GLIS3: variants seen among roughly 807,000 people sequenced by gnomAD.
GLIS3 encodes the protein GLIS family zinc finger 3.
A neutral mutation model predicts 78.6 loss-of-function variants in GLIS3; 53 were observed. That is an observed-to-expected ratio of 0.67 (90% CI 0.54 to 0.85). The LOEUF (loss-of-function observed/expected upper bound fraction) is 0.85. Ranked by LOEUF, GLIS3 falls within the 40% of genes least tolerant of loss-of-function variation. The pLI is 0.00. For missense variants in GLIS3, 1,703 were observed against 1,231.1 expected (o/e 1.38, Z -5.74); for synonymous variants, 684 against 509.9 (o/e 1.34, Z -4.60).
At chr9:4,168,113 G>C (rs755072926) in intron 2 of GLIS3, among the ~76,000 whole-genome samples, 2 of 152,086 alleles carry the variant, frequency 1.3e-5, no homozygotes, top group Non-Finnish European at 2.9e-5. Context: ...GCTTTCAACT[G>C]AAAACTCAGC....
At chr9:4,478,090 G>T in the GLIS3 span, among the ~76,000 whole-genome samples, 1 of 151,952 alleles carries the variant, frequency 6.6e-6, no homozygotes, top group Non-Finnish European at 1.5e-5. Context: ...CCAGTTTCAG[G>T]GCAAAAAATA....
the GLIS3 span, among the ~76,000 whole-genome samples, chr9:4,479,983 G>C: frequency 2.2e-5 from 3 of 135,170 alleles, no homozygotes; most frequent in Non-Finnish European, 4.6e-5. Flanking sequence ...TTGAACTCCC[G>C]ACCTCAGGTG....
intron 2 of GLIS3, among the ~76,000 whole-genome samples, chr9:4,281,123 AT>A (rs1303075590): frequency 6.6e-6 from 1 of 152,182 alleles, no homozygotes; most frequent in Non-Finnish European, 1.5e-5. Flanking sequence ...GAAAAATAGT[AT>A]TTTTATTTCA....
At chr9:4,269,469 T>C (rs561640767) in intron 2 of GLIS3, among the ~76,000 whole-genome samples, 6 of 152,344 alleles carry the variant, frequency 3.9e-5, no homozygotes, top group South Asian at 2.1e-4. Context: ...TTACGAAGTA[T>C]TGTCCAACGT....
intron 2 of GLIS3, among the ~76,000 whole-genome samples, chr9:4,168,265 A>C (rs1009578834): frequency 2.6e-5 from 4 of 152,114 alleles, no homozygotes; most frequent in Non-Finnish European, 5.9e-5. Context: ...TCACTGTCTA[A>C]AGTATATTTT....
chr9:3,884,546 T>C (rs1432084953), intron 7 of GLIS3, among the ~76,000 whole-genome samples: 2 of 152,210 alleles, frequency 1.3e-5, no homozygotes, highest in African/African-American at 4.8e-5. Flanking sequence ...CTGAGGCTGC[T>C]GGTATGGAAA....
chr9:4,431,516 C>T, the GLIS3 span, among the ~76,000 whole-genome samples: 2 of 152,144 alleles, frequency 1.3e-5, no homozygotes, highest in African/African-American at 4.8e-5. Flanking sequence ...TTCCACCATA[C>T]TCTTAGTCCA....
intron 4 of GLIS3, among the ~76,000 whole-genome samples, chr9:4,010,375 C>G (rs187668828): frequency 4.9e-4 from 74 of 152,266 alleles, no homozygotes; most frequent in Middle Eastern, 3.4e-3. Context: ...TAATTTATTT[C>G]CTACAGGCAA....
At chr9:4,111,650 A>G (rs934669613) in intron 4 of GLIS3, among the ~76,000 whole-genome samples, 2 of 152,376 alleles carry the variant, frequency 1.3e-5, no homozygotes, top group African/African-American at 4.8e-5. Context: ...ATGGTGACAT[A>G]TATGTGTCTA....
chr9:4,055,396 C>T (rs931495107), intron 4 of GLIS3, among the ~76,000 whole-genome samples: 1 of 152,292 alleles, frequency 6.6e-6, no homozygotes, highest in African/African-American at 2.4e-5. Context: ...GTATCACTGG[C>T]AAGCCCCTTT....
chr9:4,169,213 C>G (rs934657847), intron 2 of GLIS3, among the ~76,000 whole-genome samples: 1 of 152,142 alleles, frequency 6.6e-6, no homozygotes, highest in Non-Finnish European at 1.5e-5. Context: ...TTGGCAGACA[C>G]AAGGAAAGCA....
At chr9:4,194,198 C>G (rs966726711) in intron 2 of GLIS3, among the ~76,000 whole-genome samples, 1 of 152,098 alleles carries the variant, frequency 6.6e-6, no homozygotes, top group Non-Finnish European at 1.5e-5. Context: ...GCTGGGATTA[C>G]AGGCCCACGC....
At chr9:4,139,342 T>C (rs1251510147) in intron 2 of GLIS3, among the ~76,000 whole-genome samples, 1 of 152,176 alleles carries the variant, frequency 6.6e-6, no homozygotes, top group East Asian at 1.9e-4. Flanking sequence ...GAATAGGTAA[T>C]GAATACAACT....
At chr9:3,872,302 CT>C (rs1461820872) in intron 8 of GLIS3, among the ~76,000 whole-genome samples, 1 of 152,234 alleles carries the variant, frequency 6.6e-6, no homozygotes, top group African/African-American at 2.4e-5. Flanking sequence ...CAACCCCTGT[CT>C]GTTACCCAGT....
chr9:4,208,884 C>G (rs1820117596), intron 2 of GLIS3, among the ~76,000 whole-genome samples: 1 of 152,138 alleles, frequency 6.6e-6, no homozygotes, highest in African/African-American at 2.4e-5. Flanking sequence ...AAGCCTCCAG[C>G]TTTCATGATA....
upstream of GLIS3, among the ~76,000 whole-genome samples, chr9:4,300,278 G>C (rs967699579): frequency 6.6e-6 from 1 of 151,908 alleles, no homozygotes; most frequent in Non-Finnish European, 1.5e-5. Context: ...AGGAACTCCA[G>C]AACAGGGTAA....
intron 2 of GLIS3, among the ~76,000 whole-genome samples, chr9:4,138,923 G>T (rs1000949454): frequency 6.6e-6 from 1 of 152,108 alleles, no homozygotes; most frequent in Non-Finnish European, 1.5e-5. Context: ...TGCAAGCATG[G>T]GTATGTTGTA....
chr9:4,357,878 G>T, the GLIS3 span, among the ~76,000 whole-genome samples: 3 of 152,292 alleles, frequency 2.0e-5, no homozygotes, highest in South Asian at 4.2e-4. Flanking sequence ...AGTGGACAAA[G>T]ATGTTTGCTG....
At chr9:4,068,571 G>C (rs1006367604) in intron 4 of GLIS3, among the ~76,000 whole-genome samples, 7 of 152,196 alleles carry the variant, frequency 4.6e-5, no homozygotes, top group East Asian at 1.9e-4. Context: ...AGTATAACCT[G>C]TATAATCAGA....
Sources: allele counts gnomAD v4.1 joint callset (sites outside exome capture counted in the v4.1 genomes callset), GRCh38; gene constraint gnomAD v4.1.1; transcripts MANE v1.5; gene names NCBI Gene and HGNC (gene_info 2026-07-23, HGNC 2026-07-21).